Variants in SFI1 observed in about 807,000 individuals in gnomAD.
SFI1 encodes protein SFI1 homolog.
A neutral mutation model predicts 207.5 loss-of-function variants in SFI1; 195 were observed. The ratio of observed to expected loss-of-function variants is 0.94; its 90% CI spans 0.84 to 1.06. SFI1 has a LOEUF of 1.06. SFI1 is among the 50% of genes least tolerant of loss of function. The pLI is 0.00. For missense variants in SFI1, 1,634 were observed against 1,588.0 expected (o/e 1.03, Z -0.49); for synonymous variants, 630 against 598.9 (o/e 1.05, Z -0.76).
chr22:31,511,464 GTTTTTTTTTT>G (rs758898165), intron 2 of SFI1, among the ~76,000 whole-genome samples: 7 of 114,556 alleles, frequency 6.1e-5, no homozygotes, highest in African/African-American at 2.2e-4. Context: ...CATAGTTTCT[GTTTTTTTTTT>G]TTTTTTTTTT....
intron 14 of SFI1, 76 bp downstream of exon 14, chr22:31,585,210 AAAGACCTATGCCAAGAAG>A: frequency 7.7e-7 from 1 of 1,291,728 alleles, no homozygotes; most frequent in Non-Finnish European, 1.1e-6. Flanking sequence ...GATTCTTGGA[AAAGACCTATGCCAAGAAG>A]TCTTATCGTT....
chr22:31,589,940 A>G (rs956013268), intron 15 of SFI1, among the ~76,000 whole-genome samples: 2 of 151,582 alleles, frequency 1.3e-5, no homozygotes, highest in African/African-American at 4.9e-5. Flanking sequence ...GAGAAGTTCC[A>G]TGACCTGCCA....
chr22:31,604,807 C>A, intron 19 of SFI1, 62 bp from the exon 20 acceptor site: 1 of 1,491,860 alleles, frequency 6.7e-7, no homozygotes, highest in Non-Finnish European at 9.2e-7. Context: ...ACCTCTGAGG[C>A]CTGCCTAAAC....
At chr22:31,541,336 T>A (rs974992664) in intron 4 of SFI1, among the ~76,000 whole-genome samples, 5 of 152,180 alleles carry the variant, frequency 3.3e-5, no homozygotes, top group African/African-American at 1.2e-4. Flanking sequence ...TCCTATTCTC[T>A]TGGTCTTTTT....
Position 31,556,998 on chromosome 22 carries a change from C to G in SFI1, c.601C>G (p.Arg201Gly). 6.2e-7 allele frequency: 1 copy of G among 1,612,242 alleles called. No homozygotes were observed. The highest frequency in any genetic ancestry group is 1.3e-5 in the African/African-American group (1 of 74,992). ...GTCCTGGTTGATCTACGTGGTTGTTCGTAGGACCAAACTTCAGATGCAGAC... is the reference window on the plus strand; with the variant it reads ...GTCCTGGTTGATCTACGTGGTTGTTGGTAGGACCAAACTTCAGATGCAGAC... ...WKSWLIYVVV[R>G]RTKLQMQTTA... is the part of the protein sequence containing the mutation. Residue 201 changes from arginine (R) to glycine (G), a missense_variant, in exon 7 of 33, where the codon CGT (arginine) becomes GGT (glycine). Transcript: ENST00000400288.
chr22:31,612,406 T>TATAC (rs1358093386), intron 24 of SFI1: 2 of 104,684 alleles, frequency 1.9e-5, no homozygotes. Flanking sequence ...AAAATATATA[T>TATAC]ATATATATAT....
chr22:31,585,930 C>T (rs9621291), intron 14 of SFI1, among the ~76,000 whole-genome samples: 13,361 of 152,106 alleles, frequency 0.088, 975 homozygotes, highest in East Asian at 0.39. Flanking sequence ...TATTTTCGTG[C>T]TGCCCACCCT....
Position 31,561,340 on chromosome 22 carries a change from G to C in SFI1, c.713G>C (p.Arg238Pro), listed in dbSNP as rs201980284. The change falls in exon 8 of 33, where the codon CGT becomes CCT. Residue 238 changes from arginine (R) to proline (P), a missense_variant. Transcript: ENST00000400288. ...CGACTAGGACAGGTCCGTGTGAGCC[G>C]TGCCCTCCATGCCTCTGCTTTGAAG... ...RQRLGQVRVS[R>P]ALHASALKHR... 82 of 1,613,910 alleles carry C rather than the reference G, an allele frequency of 5.1e-5. No individual in the cohort carries two copies. Among genetic ancestry groups the C allele is most frequent in the South Asian group, 1.5e-4 (14 of 91,070 alleles).
Position 31,568,405 on chromosome 22 carries a change from A to G in SFI1, c.766-4653A>G, listed in dbSNP as rs2062613120. On this transcript the variant is annotated intron_variant, in intron 8 of 32. Coordinates refer to ENST00000400288, the MANE Select transcript of SFI1 (RefSeq NM_001007467.3). ...TTAGCCGGGCATGGTGGTGGTGGGC[A>G]CCTGTAATCCCAGCTACCTGGGAGG... Among the ~76,000 whole-genome samples, 3 of 150,612 alleles carry G rather than the reference A, an allele frequency of 2.0e-5. 1 individual carries two copies. In the Admixed American group the frequency reaches 2.0e-4, roughly 10 times the overall value.
At chr22:31,537,574 T>G (rs2059113412) in intron 4 of SFI1, among the ~76,000 whole-genome samples, 1 of 152,158 alleles carries the variant, frequency 6.6e-6, no homozygotes, top group South Asian at 2.1e-4. Flanking sequence ...TGAGCTTCGG[T>G]TCTAACCCAG....
chr22:31,594,367 G>A (rs980228149), intron 15 of SFI1, among the ~76,000 whole-genome samples: 1 of 151,608 alleles, frequency 6.6e-6, no homozygotes, highest in African/African-American at 2.4e-5. Context: ...GGCCAACATG[G>A]TGAAACCCTC....
At chr22:31,496,777 G>C (rs1368434207) in intron 1 of SFI1, 140 bp downstream of exon 1, 1 of 152,392 alleles carries the variant, frequency 6.6e-6, no homozygotes, top group South Asian at 2.1e-4. Flanking sequence ...GAAAGTGCAG[G>C]TGATGTTGTC....
At position 31,578,445 on chromosome 22, in the gene SFI1, G is replaced by A; in HGVS notation, c.1148G>A (p.Ser383Asn). Residue 383 changes from serine (S) to asparagine (N), a missense_variant, in exon 11 of 33, where the codon AGC becomes AAC. Transcript: ENST00000400288. ...ATGGCAGAAGAGCACCACAGGCACA[G>A]CCAGCTGGTAAGAGCCCTGCATCCT... ...FEMAEEHHRH[S>N]QLYFCFRALK... 1 of 1,613,270 alleles carries A rather than the reference G, an allele frequency of 6.2e-7. No homozygotes were observed. The highest frequency in any genetic ancestry group is 8.5e-7 in the Non-Finnish European group (1 of 1,179,520).
chr22:31,582,204 T>TATATATATATATATATA lies in SFI1; in HGVS notation c.1249-1671_1249-1670insATATATATATATATATA, dbSNP rs772735368. Among the ~76,000 whole-genome samples the TATATATATATATATATA allele has an allele frequency of 1.9e-3, 30 of 16,000 alleles. 7 individuals are homozygous for TATATATATATATATATA. Among genetic ancestry groups the TATATATATATATATATA allele is most frequent in the Admixed American group, 3.3e-3 (3 of 898 alleles). 10.5% of individuals were successfully genotyped at this position (16,000 alleles called of 152,430 possible). Reference sequence around the variant, plus strand: ...CCCCCAACAACACTTCTTTATTACATTTTATATATATATATATATATATAT... The same window carrying TATATATATATATATATA: ...CCCCCAACAACACTTCTTTATTACATATATATATATATATATATTTATATATATATATATATATATAT... On this transcript the variant is annotated intron_variant, in intron 12 of 32. Transcript: ENST00000400288.
At chr22:31,526,752 G>A (rs937734593) in intron 2 of SFI1, among the ~76,000 whole-genome samples, 10 of 152,056 alleles carry the variant, frequency 6.6e-5, no homozygotes, top group African/African-American at 2.2e-4. Flanking sequence ...TAGTAGAGAC[G>A]GGGTTTCACC....
chr22:31,506,445 T>C (rs774620310), intron 1 of SFI1, among the ~76,000 whole-genome samples: 12 of 152,070 alleles, frequency 7.9e-5, no homozygotes, highest in Non-Finnish European at 1.8e-4. Flanking sequence ...AAATAAGAAA[T>C]CTTGGCCTCT....
chr22:31,547,345 C>CT (rs1247149505), intron 5 of SFI1, among the ~76,000 whole-genome samples: 9 of 152,198 alleles, frequency 5.9e-5, no homozygotes, highest in African/African-American at 1.7e-4. Context: ...GAGTCTCACT[C>CT]TGTTGCCCAA....
chr22:31,597,062 C>T (rs1301919749), intron 15 of SFI1, among the ~76,000 whole-genome samples: 3 of 151,048 alleles, frequency 2.0e-5, no homozygotes, highest in South Asian at 2.1e-4. Context: ...ACACAGTACC[C>T]GTTTCCAAAT....
At chr22:31,596,263 A>C (rs1018486) in intron 15 of SFI1, among the ~76,000 whole-genome samples, 8,577 of 151,356 alleles carry the variant, frequency 0.057, 228 homozygotes, top group Non-Finnish European at 0.066. Flanking sequence ...CAAAATAAAT[A>C]TCTCTCTCTC....
Sources: allele counts gnomAD v4.1 joint callset (sites outside exome capture counted in the v4.1 genomes callset), GRCh38; gene constraint gnomAD v4.1.1; transcripts MANE v1.5; gene names NCBI Gene and HGNC (gene_info 2026-07-23, HGNC 2026-07-21).